Variants in ATRNL1 observed in about 807,000 individuals in gnomAD.
ATRNL1 encodes attractin like 1.
ATRNL1 carries 95 observed loss-of-function variants against 182.7 expected under a neutral mutation model. The observed-to-expected ratio is 0.52, with a 90% CI of 0.44 to 0.62. The LOEUF is 0.62. Ranked by LOEUF, ATRNL1 falls within the 20% of genes least tolerant of loss-of-function variation. The pLI, the probability that ATRNL1 is intolerant of heterozygous loss-of-function variation, is 0.00. For missense variants in ATRNL1, 1,471 were observed against 1,679.5 expected, an observed-to-expected ratio of 0.88 and a Z score of 2.17; for synonymous variants, 576 against 568.3, an observed-to-expected ratio of 1.01 and a Z score of -0.19.
At chr10:115,153,502 G>C (rs1292930138) in intron 5 of ATRNL1, among the ~76,000 whole-genome samples, 1 of 152,150 alleles carries the variant, frequency 6.6e-6, no homozygotes, top group East Asian at 1.9e-4. Context: ...TTTGCGTAGA[G>C]ATGTTTATAG....
At chr10:115,752,401 T>C (rs1222846932) in intron 27 of ATRNL1, among the ~76,000 whole-genome samples, 10 of 152,008 alleles carry the variant, frequency 6.6e-5, no homozygotes, top group African/African-American at 2.4e-4. Context: ...ATGAGCAAAC[T>C]CTGTTATAGG....
chr10:115,844,491 G>A (rs1950884032), intron 27 of ATRNL1, among the ~76,000 whole-genome samples: 1 of 152,036 alleles, frequency 6.6e-6, no homozygotes, highest in Non-Finnish European at 1.5e-5. Context: ...AAATCTTCAT[G>A]ATTCTAGAAG....
At chr10:115,534,418 G>A (rs1851824546) in intron 25 of ATRNL1, among the ~76,000 whole-genome samples, 1 of 152,216 alleles carries the variant, frequency 6.6e-6, no homozygotes, top group African/African-American at 2.4e-5. Flanking sequence ...CAGAGACTAG[G>A]ATTGCAACCC....
At chr10:115,166,110 T>C (rs1847027791) in intron 7 of ATRNL1, among the ~76,000 whole-genome samples, 1 of 152,114 alleles carries the variant, frequency 6.6e-6, no homozygotes, top group Non-Finnish European at 1.5e-5. Context: ...TCTGTCTCTG[T>C]GAATTTAACT....
intron 28 of ATRNL1, among the ~76,000 whole-genome samples, chr10:115,849,311 G>GA (rs1176791597): frequency 4.6e-5 from 7 of 152,178 alleles, no homozygotes; most frequent in Non-Finnish European, 1.0e-4. Flanking sequence ...GCACTGGTCA[G>GA]ATAAGATGGA....
chr10:115,156,725 G>A (rs186397366), intron 5 of ATRNL1, among the ~76,000 whole-genome samples: 2 of 152,190 alleles, frequency 1.3e-5, no homozygotes, highest in East Asian at 3.9e-4. Context: ...AAACAGCTGA[G>A]ATATACTACC....
chr10:115,698,032 A>T (rs1555050378), intron 26 of ATRNL1, among the ~76,000 whole-genome samples: 2 of 152,212 alleles, frequency 1.3e-5, no homozygotes, highest in Non-Finnish European at 2.9e-5. Context: ...GCTCTTTGTC[A>T]CATTAATACT....
At chr10:115,666,287 A>G (rs1860995588) in intron 26 of ATRNL1, among the ~76,000 whole-genome samples, 1 of 152,164 alleles carries the variant, frequency 6.6e-6, no homozygotes, top group East Asian at 1.9e-4. Flanking sequence ...TGATTAACTG[A>G]TAAAGTTTAT....
At chr10:115,748,285 G>T (rs1466664455) in intron 27 of ATRNL1, among the ~76,000 whole-genome samples, 2 of 151,464 alleles carry the variant, frequency 1.3e-5, no homozygotes, top group Non-Finnish European at 2.9e-5. Context: ...TGAAGGAAGG[G>T]TAACAGGTCA....
At chr10:115,439,339 G>T (rs1455708301) in intron 21 of ATRNL1, among the ~76,000 whole-genome samples, 1 of 151,714 alleles carries the variant, frequency 6.6e-6, no homozygotes, top group African/African-American at 2.4e-5. Context: ...TAATATGTAA[G>T]TATACATCAT....
intron 26 of ATRNL1, among the ~76,000 whole-genome samples, chr10:115,630,834 A>ACG (rs1555026090): frequency 3.7e-5 from 2 of 53,874 alleles, no homozygotes; most frequent in African/African-American, 2.6e-4. Context: ...TTATACACAC[A>ACG]CACACACACA....
At chr10:115,256,909 G>A (rs1408844094) in intron 10 of ATRNL1, among the ~76,000 whole-genome samples, 1 of 152,194 alleles carries the variant, frequency 6.6e-6, no homozygotes, top group Non-Finnish European at 1.5e-5. Context: ...TCATTCAGGA[G>A]CAAGTTCAGT....
chr10:115,139,273 C>T (rs1845656358), intron 5 of ATRNL1, among the ~76,000 whole-genome samples: 1 of 152,216 alleles, frequency 6.6e-6, no homozygotes, highest in Non-Finnish European at 1.5e-5. Flanking sequence ...TTACGCAGTT[C>T]CAAAGTCACT....
chr10:115,838,411 A>G (rs1411536326), intron 27 of ATRNL1, among the ~76,000 whole-genome samples: 3 of 152,198 alleles, frequency 2.0e-5, no homozygotes, highest in Non-Finnish European at 4.4e-5. Flanking sequence ...GGAAGAAGAT[A>G]TTGTGGAAAA....
intron 27 of ATRNL1, among the ~76,000 whole-genome samples, chr10:115,801,340 C>T (rs1949788018): frequency 6.6e-6 from 1 of 151,978 alleles, no homozygotes; most frequent in African/African-American, 2.4e-5. Context: ...GAATAGGGTA[C>T]CTTGCCACAG....
intron 18 of ATRNL1, among the ~76,000 whole-genome samples, chr10:115,318,525 T>G (rs1431200686): frequency 5.9e-5 from 9 of 152,148 alleles, no homozygotes; most frequent in African/African-American, 2.2e-4. Flanking sequence ...TCCTGGGCTT[T>G]TTTTGGTTGG....
chr10:115,527,926 C>T (rs1192243664), intron 25 of ATRNL1, among the ~76,000 whole-genome samples: 250 of 73,366 alleles, frequency 3.4e-3, no homozygotes, highest in African/African-American at 4.5e-3. Context: ...CTCCCTTCCT[C>T]CCTCCTTCCT....
intron 10 of ATRNL1, among the ~76,000 whole-genome samples, chr10:115,252,330 G>T (rs533615737): frequency 1.3e-5 from 2 of 152,098 alleles, no homozygotes; most frequent in South Asian, 2.1e-4. Flanking sequence ...ACCAGCGAAG[G>T]TCTTATAGAT....
chr10:115,160,531 T>TCC (rs1846735843), intron 6 of ATRNL1, among the ~76,000 whole-genome samples: 1 of 150,342 alleles, frequency 6.7e-6, no homozygotes, highest in Non-Finnish European at 1.5e-5. Context: ...CATGCCACTT[T>TCC]TTTTTTTTAA....
Sources: gnomAD v4.1 joint callset for allele counts (sites outside exome capture counted in the v4.1 genomes callset) on GRCh38, gnomAD v4.1.1 for gene constraint, MANE v1.5 for transcripts, NCBI Gene and HGNC (gene_info 2026-07-23, HGNC 2026-07-21) for gene names.